The following ASXL2 variants were observed in gnomAD, a reference collection of about 807,000 sequenced individuals.
ASXL2 encodes ASXL transcriptional regulator 2, also known as putative Polycomb group protein ASXL2.
Under a neutral mutation model 122.0 loss-of-function variants are expected in ASXL2, and 23 were observed. The ratio of observed to expected loss-of-function variants is 0.19; its 90% confidence interval spans 0.14 to 0.27. The LOEUF (loss-of-function observed/expected upper bound fraction) is 0.27, where lower values mean the gene tolerates loss of function less well. ASXL2 is among the 10% of genes least tolerant of loss of function. The pLI is 1.00. For missense variants in ASXL2, 1,518 were observed against 1,713.8 expected (o/e 0.89, Z 2.02); for synonymous variants, 650 against 637.0 (o/e 1.02, Z -0.31).
At chr2:25,745,387 A>G (rs2087923949) in intron 12 of ASXL2, among the ~76,000 whole-genome samples, 1 of 149,646 alleles carries the variant, frequency 6.7e-6, no homozygotes, top group Non-Finnish European at 1.5e-5. Context: ...TAACTTTTGT[A>G]TTTTTAGTAG....
chr2:25,788,280 G>A (rs1168998623), intron 5 of ASXL2, among the ~76,000 whole-genome samples: 7 of 152,178 alleles, frequency 4.6e-5, no homozygotes, highest in African/African-American at 1.2e-4. Flanking sequence ...ATGTGCACAC[G>A]CACATGCATA....
intron 5 of ASXL2, among the ~76,000 whole-genome samples, chr2:25,792,530 A>G (rs1296765802): frequency 6.6e-6 from 1 of 151,874 alleles, no homozygotes; most frequent in Non-Finnish European, 1.5e-5. Flanking sequence ...TCGAGTTACT[A>G]TTATTTGATT....
chr2:25,753,715 G>C, intron 10 of ASXL2, 76 bp from the exon 11 acceptor site: 1 of 1,131,464 alleles, frequency 8.8e-7, no homozygotes. Context: ...AATCATGAAA[G>C]ACTCACGCAG....
chr2:25,790,124 T>C (rs1356644579), intron 5 of ASXL2, among the ~76,000 whole-genome samples: 2 of 152,146 alleles, frequency 1.3e-5, no homozygotes, highest in East Asian at 3.9e-4. Context: ...CTATTGCTGT[T>C]CAAATGTCCA....
At chr2:25,812,599 G>A (rs906670356) in intron 3 of ASXL2, among the ~76,000 whole-genome samples, 1 of 152,160 alleles carries the variant, frequency 6.6e-6, no homozygotes, top group Non-Finnish European at 1.5e-5. Context: ...TCTGCCTTAG[G>A]AAAGTAATAT....
intron 6 of ASXL2, among the ~76,000 whole-genome samples, chr2:25,770,927 T>TA (rs2088439481): frequency 6.6e-6 from 1 of 151,848 alleles, no homozygotes; most frequent in Admixed American, 6.6e-5. Context: ...TTAGACACTT[T>TA]AAAAAATGTG....
chr2:25,760,486 C>T (rs1437817470), intron 8 of ASXL2, among the ~76,000 whole-genome samples: 1 of 152,144 alleles, frequency 6.6e-6, no homozygotes, highest in Admixed American at 6.5e-5. Context: ...AAGCAAAAAG[C>T]ACTTTCAAAT....
At chr2:25,790,104 A>G (rs1322893396) in intron 5 of ASXL2, among the ~76,000 whole-genome samples, 1 of 152,174 alleles carries the variant, frequency 6.6e-6, no homozygotes, top group South Asian at 2.1e-4. Context: ...AAGCTGAAAA[A>G]TCATCTAAAC....
At chr2:25,760,673 GA>G (rs923761897) in intron 8 of ASXL2, among the ~76,000 whole-genome samples, 2 of 152,176 alleles carry the variant, frequency 1.3e-5, no homozygotes, top group African/African-American at 4.8e-5. Flanking sequence ...TAAACAAAAA[GA>G]AAGGATTTCC....
At position 25,856,297 on chromosome 2, in the gene ASXL2, T is replaced by G. The variant is rs192528881; in HGVS notation, c.58-10734A>C. 2.4e-3 allele frequency among the ~76,000 whole-genome samples: 352 copies of G among 146,642 alleles called. 2 individuals are homozygous for G. Among genetic ancestry groups the G allele is most frequent in the African/African-American group, 8.6e-3 (338 of 39,204 alleles). ...GTCTCAAACTCCTAACCTCAGGTGATCCGCCCACCTCAGCCTCCCAAAGTG... is the reference window on the plus strand; with the variant it reads ...GTCTCAAACTCCTAACCTCAGGTGAGCCGCCCACCTCAGCCTCCCAAAGTG... On this transcript the variant is annotated intron_variant, in intron 1 of 12. Coordinates refer to ENST00000435504, the MANE Select transcript of ASXL2 (RefSeq NM_018263.6).
In ASXL2 at chr2:25,741,072, T is replaced by C. The variant is rs571876229; in HGVS notation, c.*957A>G. 1 of 195,578 alleles carries C rather than the reference T, an allele frequency of 5.1e-6. No individual in the cohort carries two copies. Among genetic ancestry groups the C allele is most frequent in the South Asian group, 1.9e-4 (1 of 5,192 alleles). The allele number at this position is 195,578 out of a possible 1,614,324, so 12.1% of individuals were successfully genotyped here. On this transcript the variant is annotated 3_prime_UTR_variant, in exon 13 of 13. Coordinates refer to ENST00000435504, the MANE Select transcript of ASXL2 (RefSeq NM_018263.6). ...AGTTATTTACGTTCAATTTAACAGT[T>C]TCTGTGGTTTCACTCCCCTTGCTCA...
At chr2:25,777,981 T>C (rs1483023505) in intron 5 of ASXL2, among the ~76,000 whole-genome samples, 1 of 152,224 alleles carries the variant, frequency 6.6e-6, no homozygotes, top group Non-Finnish European at 1.5e-5. Flanking sequence ...CGTATTATGA[T>C]GGTATTATCT....
chr2:25,799,356 T>G, intron 5 of ASXL2, 29 bp downstream of exon 5: 1 of 1,613,864 alleles, frequency 6.2e-7, no homozygotes, highest in South Asian at 1.1e-5. Context: ...CAGCATTTAG[T>G]ACTTTATTGA....
chr2:25,838,353 G>A lies in ASXL2; in HGVS notation c.141-2813C>T, dbSNP rs76418488. Among the ~76,000 whole-genome samples, 34 of 152,278 alleles carry A rather than the reference G, an allele frequency of 2.2e-4. No individual in the cohort carries two copies. The East Asian group carries it at 5.8e-3, about 26-fold the overall frequency. On this transcript the variant is annotated intron_variant, in intron 2 of 12. Transcript: ENST00000435504. Reference sequence around the variant, plus strand: ...CCTGCTTTCTTTTTACCTTTGAATAGTTAATCCCTGGTTAATCTGTTAATA... The same window carrying A: ...CCTGCTTTCTTTTTACCTTTGAATAATTAATCCCTGGTTAATCTGTTAATA...
At chr2:25,824,869 T>C (rs2089357862) in intron 3 of ASXL2, among the ~76,000 whole-genome samples, 1 of 152,216 alleles carries the variant, frequency 6.6e-6, no homozygotes, top group Admixed American at 6.5e-5. Flanking sequence ...TTAGTTTCTT[T>C]CTGGGGCTCA....
chr2:25,821,450 C>G (rs2089309631), intron 3 of ASXL2, among the ~76,000 whole-genome samples: 1 of 151,740 alleles, frequency 6.6e-6, no homozygotes. Flanking sequence ...TAAACTACAC[C>G]TCAATAAAGT....
intron 3 of ASXL2, among the ~76,000 whole-genome samples, chr2:25,833,295 T>A (rs2089475246): frequency 6.6e-6 from 1 of 152,238 alleles, no homozygotes; most frequent in Non-Finnish European, 1.5e-5. Flanking sequence ...TTCCTACAAC[T>A]GCTTATGGCT....
At position 25,839,704 on chromosome 2, in the gene ASXL2, C is replaced by A. The variant is rs576414981; in HGVS notation, c.141-4164G>T. Among the ~76,000 whole-genome samples, 6 of 148,948 alleles carry A rather than the reference C, an allele frequency of 4.0e-5. No individual in the cohort carries two copies. In the East Asian group the frequency reaches 1.2e-3, roughly 29 times the overall value. On this transcript the variant is annotated intron_variant, in intron 2 of 12. Coordinates refer to ENST00000435504, the MANE Select transcript of ASXL2 (RefSeq NM_018263.6). The stretch of plus-strand genomic sequence containing the variant: ...GTGGCACGATCACGGCTCATTGCAG[C>A]CTTGACCTCCTGGGCTCAAGTGATC...
At chr2:25,778,802 AC>A (rs2088587250) in intron 5 of ASXL2, among the ~76,000 whole-genome samples, 1 of 152,168 alleles carries the variant, frequency 6.6e-6, no homozygotes, top group African/African-American at 2.4e-5. Flanking sequence ...ATCTTACATA[AC>A]TTTTGGCCCA....
Sources: gnomAD v4.1 joint callset for allele counts (sites outside exome capture counted in the v4.1 genomes callset) on GRCh38, gnomAD v4.1.1 for gene constraint, MANE v1.5 for transcripts, NCBI Gene and HGNC (gene_info 2026-07-23, HGNC 2026-07-21) for gene names.